KCNH1: variants seen among roughly 807,000 people sequenced by gnomAD.
The protein encoded by KCNH1 is voltage-gated delayed rectifier potassium channel KCNH1.
A neutral mutation model predicts 69.2 loss-of-function variants in KCNH1; 27 were observed. The observed-to-expected ratio is 0.39, with a 90% CI of 0.29 to 0.54. The LOEUF (loss-of-function observed/expected upper bound fraction) is 0.54. KCNH1 is among the 20% of genes least tolerant of loss of function. KCNH1 has a pLI of 0.68. For missense variants in KCNH1, 798 were observed against 1,261.6 expected (o/e 0.63, Z 5.57); for synonymous variants, 456 against 487.7 (o/e 0.93, Z 0.86).
chr1:210,922,383 CAAAAAAA>C (rs758026291), intron 6 of KCNH1, among the ~76,000 whole-genome samples: 2 of 98,318 alleles, frequency 2.0e-5, no homozygotes, highest in East Asian at 5.3e-4. Flanking sequence ...GACTCCGTCT[CAAAAAAA>C]AAAAAAAAAA....
At chr1:210,862,311 G>T (rs2102482887) in intron 7 of KCNH1, 1 of 774,974 alleles carries the variant, frequency 1.3e-6, no homozygotes, top group Non-Finnish European at 2.3e-6. Flanking sequence ...CAAACCCAGG[G>T]CTTGAGTGCT....
At chr1:211,001,867 C>T (rs1264612266) in intron 6 of KCNH1, among the ~76,000 whole-genome samples, 4 of 140,116 alleles carry the variant, frequency 2.9e-5, no homozygotes, top group Admixed American at 2.8e-4. Context: ...TTTGTAGGGA[C>T]ATGGATGAAG....
chr1:210,828,906 A>G (rs1002699476), intron 7 of KCNH1, among the ~76,000 whole-genome samples: 13 of 152,240 alleles, frequency 8.5e-5, no homozygotes, highest in Admixed American at 8.5e-4. Context: ...AATAACAATG[A>G]ACAAAAATCA....
chr1:211,126,656 C>T (rs1419066028), intron 1 of KCNH1, among the ~76,000 whole-genome samples: 1 of 143,438 alleles, frequency 7.0e-6, no homozygotes, highest in Non-Finnish European at 1.5e-5. Flanking sequence ...CCAATCCAGC[C>T]TGGGTGACAG....
At chr1:210,844,460 C>A (rs546049693) in intron 7 of KCNH1, among the ~76,000 whole-genome samples, 2 of 152,276 alleles carry the variant, frequency 1.3e-5, no homozygotes, top group South Asian at 4.1e-4. Context: ...AACTGAACAA[C>A]CTGCTCCTGA....
rs138791170 is a variant in KCNH1 at position 210,874,597 on chromosome 1, G to A, written c.1462+45043C>T. Reference sequence around the variant, plus strand: ...AACCTAAGTCCACCACAAAGAATTCGATAAGTAAAATGTAGTAGTTTTGCA... The same window carrying A: ...AACCTAAGTCCACCACAAAGAATTCAATAAGTAAAATGTAGTAGTTTTGCA... On this transcript the variant is annotated intron_variant, in intron 7 of 10. Transcript: ENST00000271751. Among the ~76,000 whole-genome samples, 61 of 152,244 alleles carry A rather than the reference G, an allele frequency of 4.0e-4. No individual in the cohort carries two copies. In the South Asian group the frequency reaches 4.6e-3, roughly 11 times the overall value.
intron 10 of KCNH1, among the ~76,000 whole-genome samples, chr1:210,723,555 T>C (rs1682522913): frequency 6.6e-6 from 1 of 152,228 alleles, no homozygotes; most frequent in South Asian, 2.1e-4. Flanking sequence ...GCAACCCTGA[T>C]GCCTTCATCA....
chr1:210,728,854 C>G (rs59955715), intron 10 of KCNH1, among the ~76,000 whole-genome samples: 4,362 of 152,320 alleles, frequency 0.029, 197 homozygotes, highest in African/African-American at 0.097. Context: ...ACCAGCTGTG[C>G]TGGGCATGCT....
intron 6 of KCNH1, among the ~76,000 whole-genome samples, chr1:210,976,783 G>A (rs1222948757): frequency 6.7e-6 from 1 of 149,914 alleles, no homozygotes; most frequent in African/African-American, 2.4e-5. Context: ...TTAGAATGGG[G>A]ATTATTAAAA....
chr1:210,685,994 A>C (rs957749348), intron 10 of KCNH1, among the ~76,000 whole-genome samples: 3 of 152,156 alleles, frequency 2.0e-5, no homozygotes, highest in Admixed American at 2.0e-4. Flanking sequence ...TGGATGGTTA[A>C]ATCTTCCAGC....
chr1:210,990,699 C>T (rs1688921424), intron 6 of KCNH1, among the ~76,000 whole-genome samples: 1 of 152,112 alleles, frequency 6.6e-6, no homozygotes, highest in Non-Finnish European at 1.5e-5. Flanking sequence ...AACTACCTTG[C>T]ACAATTGTGA....
At position 210,877,422 on chromosome 1, in the gene KCNH1, G is replaced by A. The variant is rs114686878; in HGVS notation, c.1462+42218C>T. On this transcript the variant is annotated intron_variant, in intron 7 of 10. Transcript: ENST00000271751. ...ATGCTGAAATCTCAGGAACTGGGCA[G>A]GTCATCAAAGCAGGTAGGGCAAAGA... Among the ~76,000 whole-genome samples, 339 of 152,292 alleles carry A rather than the reference G, an allele frequency of 2.2e-3. 3 individuals carry two copies. Among genetic ancestry groups the A allele is most frequent in the African/African-American group, 8.0e-3 (334 of 41,562 alleles).
chr1:210,717,664 G>A (rs1265918153), intron 10 of KCNH1, among the ~76,000 whole-genome samples: 2 of 152,136 alleles, frequency 1.3e-5, no homozygotes, highest in African/African-American at 4.8e-5. Flanking sequence ...ACACTTTCTT[G>A]ATTCTACAGA....
chr1:210,864,342 T>C (rs967491437), intron 7 of KCNH1, among the ~76,000 whole-genome samples: 1 of 152,108 alleles, frequency 6.6e-6, no homozygotes, highest in Non-Finnish European at 1.5e-5. Context: ...AGGACTGAGG[T>C]CCACTATGCA....
chr1:210,782,185 C>T (rs1390954207), intron 9 of KCNH1, among the ~76,000 whole-genome samples: 1 of 152,192 alleles, frequency 6.6e-6, no homozygotes, highest in Non-Finnish European at 1.5e-5. Flanking sequence ...CGGTACGTGG[C>T]AGGCACTCAA....
chr1:210,850,954 G>T (rs531395531), intron 7 of KCNH1, among the ~76,000 whole-genome samples: 40 of 152,242 alleles, frequency 2.6e-4, no homozygotes, highest in African/African-American at 9.4e-4. Context: ...GTCATTTCAG[G>T]CACAGCAAGA....
At position 210,889,532 on chromosome 1, in the gene KCNH1, A is replaced by T. The variant is rs79405375; in HGVS notation, c.1462+30108T>A. On this transcript the variant is annotated intron_variant, in intron 7 of 10. Coordinates refer to ENST00000271751, the MANE Select transcript of KCNH1 (RefSeq NM_172362.3). Reference sequence around the variant, plus strand: ...CCCTCTCTCACCACTCCTATTCAACATAGTGTTGGAAGTTTTTGCCAGGGC... The same window carrying T: ...CCCTCTCTCACCACTCCTATTCAACTTAGTGTTGGAAGTTTTTGCCAGGGC... 2.6e-5 allele frequency among the ~76,000 whole-genome samples: 4 copies of T among 152,344 alleles called. No homozygotes were observed. The South Asian group carries it at 8.3e-4, about 32-fold the overall frequency.
At chr1:210,859,048 G>A (rs4504958) in intron 7 of KCNH1, 1 of 615,496 alleles carries the variant, frequency 1.6e-6, no homozygotes, top group South Asian at 2.0e-5. Flanking sequence ...TTGTTGTTGT[G>A]ATTTTTTTTC....
At chr1:210,688,784 A>G (rs1681465415) in intron 10 of KCNH1, among the ~76,000 whole-genome samples, 1 of 152,156 alleles carries the variant, frequency 6.6e-6, no homozygotes, top group South Asian at 2.1e-4. Flanking sequence ...CTTTTTTCAC[A>G]TCACAGATCC....
Sources: gnomAD v4.1 joint callset for allele counts (sites outside exome capture counted in the v4.1 genomes callset) on GRCh38, gnomAD v4.1.1 for gene constraint, MANE v1.5 for transcripts, NCBI Gene and HGNC (gene_info 2026-07-23, HGNC 2026-07-21) for gene names.